The following PCDHGA4 variants were observed in gnomAD, a reference collection of about 807,000 sequenced individuals.
PCDHGA4 encodes protocadherin gamma subfamily A, 4, also known as protocadherin gamma-A4.
PCDHGA4 carries 38 observed loss-of-function variants against 54.6 expected under a neutral mutation model. The observed-to-expected ratio is 0.70, with a 90% CI of 0.54 to 0.91. The LOEUF is 0.91. Among genes scored for constraint, PCDHGA4 ranks in the 40% least tolerant of loss-of-function variants. The pLI is 0.00. For missense variants in PCDHGA4, 1,298 were observed against 1,220.9 expected (o/e 1.06, Z -0.94); for synonymous variants, 511 against 512.9 (o/e 1.00, Z 0.05).
chr5:141,364,500 A>G, intron 1 of PCDHGA4: 7 of 1,614,008 alleles, frequency 4.3e-6, no homozygotes, highest in Non-Finnish European at 5.9e-6. Flanking sequence ...CTGGAGCCCC[A>G]GGAGCTGGCG....
intron 1 of PCDHGA4, chr5:141,423,287 C>T: frequency 6.3e-7 from 1 of 1,586,406 alleles, no homozygotes; most frequent in South Asian, 1.1e-5. Flanking sequence ...AACTCTGAAA[C>T]CTCAGACCTC....
intron 1 of PCDHGA4, chr5:141,418,939 C>G: frequency 6.2e-7 from 1 of 1,613,760 alleles, no homozygotes; most frequent in Non-Finnish European, 8.5e-7. Context: ...TGGAGGATTC[C>G]CCTCCAGGAG....
chr5:141,430,315 T>C (rs185896854), intron 1 of PCDHGA4, among the ~76,000 whole-genome samples: 58 of 151,980 alleles, frequency 3.8e-4, no homozygotes, highest in African/African-American at 1.3e-3. Context: ...CATTATAAGA[T>C]TAAAATCATT....
chr5:141,478,517 T>G (rs1593923092), intron 1 of PCDHGA4: 1 of 1,611,116 alleles, frequency 6.2e-7, no homozygotes, highest in Non-Finnish European at 8.5e-7. Context: ...TAGGCAGGTG[T>G]TGGGTGCAGA....
At chr5:141,409,437 G>A in intron 1 of PCDHGA4, 1 of 1,613,968 alleles carries the variant, frequency 6.2e-7, no homozygotes, top group Non-Finnish European at 8.5e-7. Context: ...GCCCTGGACC[G>A]AGAGCAGACA....
intron 2 of PCDHGA4, among the ~76,000 whole-genome samples, chr5:141,500,259 A>G (rs1595658540): frequency 6.6e-6 from 1 of 151,044 alleles, no homozygotes; most frequent in East Asian, 2.0e-4. Context: ...CCCAGGCTGG[A>G]CTGCAGTGGC....
At chr5:141,497,818 G>T (rs2099779657) in intron 2 of PCDHGA4, among the ~76,000 whole-genome samples, 1 of 152,194 alleles carries the variant, frequency 6.6e-6, no homozygotes, top group African/African-American at 2.4e-5. Context: ...AGAATTACAG[G>T]TGTGATCGCC....
chr5:141,419,175 C>T (rs185228661), intron 1 of PCDHGA4: 2 of 1,613,966 alleles, frequency 1.2e-6, no homozygotes, highest in Non-Finnish European at 1.7e-6. Flanking sequence ...AAAACCATAA[C>T]CCTGCACATT....
intron 1 of PCDHGA4, chr5:141,362,667 T>C (rs545396981): frequency 5.4e-6 from 7 of 1,294,756 alleles, no homozygotes; most frequent in South Asian, 3.1e-5. Flanking sequence ...GCCAATGTTG[T>C]GCCTTAATTG....
intron 1 of PCDHGA4, chr5:141,468,667 CCATCCTGGCTAA>C (rs2099172391): frequency 6.7e-6 from 1 of 149,836 alleles, no homozygotes; most frequent in African/African-American, 2.5e-5. Flanking sequence ...GAGATCAAGA[CCATCCTGGCTAA>C]CACGGTGAAA....
At chr5:141,400,214 C>T in intron 1 of PCDHGA4, 1 of 1,614,042 alleles carries the variant, frequency 6.2e-7, no homozygotes, top group Non-Finnish European at 8.5e-7. Context: ...GCCTTGATCT[C>T]AGTGCTCTTC....
At chr5:141,467,630 T>A (rs1483747040) in intron 1 of PCDHGA4, among the ~76,000 whole-genome samples, 2 of 152,194 alleles carry the variant, frequency 1.3e-5, no homozygotes, top group African/African-American at 4.8e-5. Flanking sequence ...TGAGATAGCA[T>A]CTTTATCATG....
intron 1 of PCDHGA4, chr5:141,362,629 G>A (rs1314036163): frequency 2.1e-5 from 32 of 1,492,692 alleles, no homozygotes; most frequent in Middle Eastern, 1.9e-4. Context: ...GTTCCACTGC[G>A]TATTTCTTTG....
intron 1 of PCDHGA4, among the ~76,000 whole-genome samples, chr5:141,460,508 G>C (rs1390313220): frequency 6.6e-6 from 1 of 152,040 alleles, no homozygotes; most frequent in East Asian, 1.9e-4. Context: ...TGCTGAGAAG[G>C]CTATCTTTTC....
intron 1 of PCDHGA4, among the ~76,000 whole-genome samples, chr5:141,481,700 T>C (rs1283509788): frequency 2.0e-5 from 3 of 152,034 alleles, no homozygotes; most frequent in Non-Finnish European, 4.4e-5. Context: ...ACGCCTGTAA[T>C]CCCAGCACTT....
At chr5:141,379,592 TACCTGTGACCATTTCATTTAA>T (rs1451558055) in intron 1 of PCDHGA4, 2 of 152,236 alleles carry the variant, frequency 1.3e-5, no homozygotes, top group East Asian at 3.8e-4. Flanking sequence ...ATTCTCTTAT[TACCTGTGACCATTTCATTTAA>T]ACAAATAAAA....
At position 141,409,535 on chromosome 5, in the gene PCDHGA4, A is replaced by G. The variant is rs745624722; in HGVS notation, c.2514+51914A>G. 5 of 1,613,894 alleles carry G rather than the reference A, an allele frequency of 3.1e-6. No homozygotes were observed. The African/African-American group carries it at 4.0e-5, about 13-fold the overall frequency. ...AAGCATCACCTTGTATGTCGCTGAC[A>G]TCAACGACAACGCCCCAGTTTTCGA... On this transcript the variant is annotated intron_variant, in intron 1 of 3. Coordinates refer to ENST00000571252, the MANE Select transcript of PCDHGA4 (RefSeq NM_018917.4).
chr5:141,390,479 T>C lies in PCDHGA4; in HGVS notation c.2514+32858T>C, dbSNP rs143576019. On this transcript the variant is annotated intron_variant, in intron 1 of 3. Coordinates refer to ENST00000571252, the MANE Select transcript of PCDHGA4 (RefSeq NM_018917.4). Reference sequence around the variant, plus strand: ...GTAGGAGCAATTGTGTGGCCCAACATTTGTTTGTTTTTTAGCCAAGCTTAG... The same window carrying C: ...GTAGGAGCAATTGTGTGGCCCAACACTTGTTTGTTTTTTAGCCAAGCTTAG... 1.6e-3 allele frequency: 1,064 copies of C among 668,890 alleles called. 6 individuals are homozygous for C. The highest frequency in any genetic ancestry group is 0.016 in the African/African-American group (871 of 55,142). The allele number at this position is 668,890 out of a possible 1,614,324, so 41.4% of individuals were successfully genotyped here.
chr5:141,421,409 C>T, intron 1 of PCDHGA4: 1 of 1,614,026 alleles, frequency 6.2e-7, no homozygotes, highest in Non-Finnish European at 8.5e-7. Context: ...CGGGAGCTGG[C>T]GAAGCGCGGA....
Sources: allele counts gnomAD v4.1 joint callset (sites outside exome capture counted in the v4.1 genomes callset), GRCh38; gene constraint gnomAD v4.1.1; transcripts MANE v1.5; gene names NCBI Gene and HGNC (gene_info 2026-07-23, HGNC 2026-07-21).